ADGRL2: variants seen among roughly 807,000 people sequenced by gnomAD.
ADGRL2 encodes the protein calcium-independent alpha-latrotoxin receptor 2.
In ADGRL2, 44 loss-of-function variants were observed where a neutral mutation model predicts 157.4. The ratio of observed to expected loss-of-function variants is 0.28; its 90% CI spans 0.22 to 0.36. The LOEUF (loss-of-function observed/expected upper bound fraction) is 0.36, where lower values mean the gene tolerates loss of function less well. Among genes scored for constraint, ADGRL2 ranks in the 10% least tolerant of loss-of-function variants. The pLI is 1.00. For synonymous variants in ADGRL2, 585 were observed against 624.7 expected (o/e 0.94, Z 0.95); for missense variants, 1,510 against 1,768.9 (o/e 0.85, Z 2.63).
intron 1 of ADGRL2, among the ~76,000 whole-genome samples, chr1:81,728,586 A>G (rs1029651688): frequency 6.6e-6 from 1 of 152,176 alleles, no homozygotes; most frequent in Non-Finnish European, 1.5e-5. Flanking sequence ...TATAAAAACT[A>G]TAGAGAAAAT....
At chr1:81,567,606 G>A (rs962170298) in intron 2 of ADGRL2, among the ~76,000 whole-genome samples, 1 of 152,034 alleles carries the variant, frequency 6.6e-6, no homozygotes, top group Non-Finnish European at 1.5e-5. Context: ...ATTAGGGGTG[G>A]AAATATTGAG....
intron 1 of ADGRL2, among the ~76,000 whole-genome samples, chr1:81,401,872 C>A (rs1444916940): frequency 6.6e-6 from 1 of 152,152 alleles, no homozygotes; most frequent in African/African-American, 2.4e-5. Context: ...TGTATATATT[C>A]TGTTTATATA....
chr1:81,507,827 T>C (rs773936826), intron 2 of ADGRL2, among the ~76,000 whole-genome samples: 1 of 152,222 alleles, frequency 6.6e-6, no homozygotes, highest in Non-Finnish European at 1.5e-5. Context: ...TATCCCATTT[T>C]CCATTCTCCT....
At chr1:81,732,776 C>A (rs1225786116) in intron 1 of ADGRL2, among the ~76,000 whole-genome samples, 1 of 151,986 alleles carries the variant, frequency 6.6e-6, no homozygotes, top group Non-Finnish European at 1.5e-5. Flanking sequence ...ATCACAATGG[C>A]TATGTTGAAA....
chr1:81,871,683 C>T (rs1439169957), intron 2 of ADGRL2, among the ~76,000 whole-genome samples: 2 of 152,064 alleles, frequency 1.3e-5, no homozygotes, highest in Non-Finnish European at 2.9e-5. Flanking sequence ...CTCTGATGAC[C>T]GATGATGATG....
At chr1:81,380,180 C>G (rs994457166) in intron 1 of ADGRL2, among the ~76,000 whole-genome samples, 1 of 152,168 alleles carries the variant, frequency 6.6e-6, no homozygotes, top group Admixed American at 6.5e-5. Context: ...ATTTGCATTT[C>G]TTTGACTGCT....
Position 81,386,012 on chromosome 1 carries a change from TA to T in ADGRL2, c.-301-59015del, listed in dbSNP as rs963840074. Among the ~76,000 whole-genome samples, 14 of 151,416 alleles carry T rather than the reference TA, an allele frequency of 9.2e-5. 1 individual carries two copies. The highest frequency in any genetic ancestry group is 6.6e-4 in the Admixed American group (10 of 15,174). On this transcript the variant is annotated intron_variant, in intron 1 of 24. Transcript: ENST00000370721. ...TGTCCTTTAGGAACTTGTGGCTAATTAAAAAAAAATGGCTTCAGCGCAATCC... is the reference window on the plus strand; with the variant it reads ...TGTCCTTTAGGAACTTGTGGCTAATTAAAAAAAATGGCTTCAGCGCAATCC...
At chr1:81,902,072 A>G (rs1169137123) in intron 2 of ADGRL2, among the ~76,000 whole-genome samples, 1 of 152,160 alleles carries the variant, frequency 6.6e-6, no homozygotes, top group African/African-American at 2.4e-5. Flanking sequence ...TTGGAAAGGT[A>G]AGACAACCCA....
chr1:81,502,202 C>T, intron 2 of ADGRL2: 1 of 1,598,312 alleles, frequency 6.3e-7, no homozygotes, highest in East Asian at 2.3e-5. Context: ...GTCCAATCTA[C>T]TTCCAGCACC....
intron 2 of ADGRL2, among the ~76,000 whole-genome samples, chr1:81,456,062 G>C (rs967663957): frequency 9.2e-5 from 14 of 152,014 alleles, no homozygotes; most frequent in Non-Finnish European, 1.9e-4. Context: ...CATTTGGAAG[G>C]GTCTTAGTAA....
At chr1:81,611,701 A>G (rs967917167) in intron 3 of ADGRL2, among the ~76,000 whole-genome samples, 32 of 152,056 alleles carry the variant, frequency 2.1e-4, no homozygotes, top group African/African-American at 7.7e-4. Flanking sequence ...CTGCACCAAA[A>G]CCACCTGGGG....
intron 2 of ADGRL2, among the ~76,000 whole-genome samples, chr1:81,888,351 A>G (rs1049760439): frequency 6.6e-6 from 1 of 152,222 alleles, no homozygotes; most frequent in East Asian, 1.9e-4. Flanking sequence ...AAGTAAATGT[A>G]TGTGAAATGT....
intron 3 of ADGRL2, among the ~76,000 whole-genome samples, chr1:81,665,713 C>A (rs1291575052): frequency 6.6e-6 from 1 of 152,124 alleles, no homozygotes; most frequent in South Asian, 2.1e-4. Flanking sequence ...ATATTAACAG[C>A]AATGTAGGTA....
chr1:81,826,546 A>AAATCTCTG (rs1364286975), intron 1 of ADGRL2, among the ~76,000 whole-genome samples: 2 of 152,220 alleles, frequency 1.3e-5, no homozygotes, highest in African/African-American at 4.8e-5. Flanking sequence ...AGATTTAGCT[A>AAATCTCTG]TAATTTGGCA....
chr1:81,923,565 T>C (rs998315740), intron 3 of ADGRL2, among the ~76,000 whole-genome samples: 1 of 152,104 alleles, frequency 6.6e-6, no homozygotes, highest in African/African-American at 2.4e-5. Context: ...TTTAATCTCA[T>C]CTTATAGAAT....
intron 2 of ADGRL2, among the ~76,000 whole-genome samples, chr1:81,870,820 A>C (rs1392799016): frequency 5.3e-5 from 8 of 151,426 alleles, no homozygotes. Context: ...TGAAAATTTT[A>C]GTGTTTATAG....
intron 2 of ADGRL2, among the ~76,000 whole-genome samples, chr1:81,769,585 A>C (rs1333189445): frequency 6.6e-6 from 1 of 151,548 alleles, no homozygotes; most frequent in Non-Finnish European, 1.5e-5. Context: ...CTAAATTATT[A>C]TAATTATATA....
chr1:81,841,409 C>G (rs1448066655), intron 2 of ADGRL2, among the ~76,000 whole-genome samples: 1 of 151,754 alleles, frequency 6.6e-6, no homozygotes, highest in Non-Finnish European at 1.5e-5. Flanking sequence ...AGGGTCTTTT[C>G]AGTATTTGGG....
At chr1:81,481,046 A>C (rs1007387629) in intron 2 of ADGRL2, among the ~76,000 whole-genome samples, 3 of 152,206 alleles carry the variant, frequency 2.0e-5, no homozygotes, top group Non-Finnish European at 4.4e-5. Context: ...AATAAATACA[A>C]ATTAAAGAAA....
Sources: gnomAD v4.1 joint callset for allele counts (sites outside exome capture counted in the v4.1 genomes callset) on GRCh38, gnomAD v4.1.1 for gene constraint, MANE v1.5 for transcripts, NCBI Gene and HGNC (gene_info 2026-07-23, HGNC 2026-07-21) for gene names.